SULT1E1: variants seen among roughly 807,000 people sequenced by gnomAD.
SULT1E1 encodes sulfotransferase family 1E member 1, also known as sulfotransferase 1E1.
In SULT1E1, 36 loss-of-function variants were observed where a neutral mutation model predicts 33.6. The observed-to-expected ratio is 1.07, with a 90% CI of 0.82 to 1.41. The LOEUF is 1.41. Among genes scored for constraint, SULT1E1 ranks in the 40% most tolerant of loss-of-function variants. The pLI, the probability that SULT1E1 is intolerant of heterozygous loss-of-function variation, is 0.00. For synonymous variants in SULT1E1, 121 were observed against 111.7 expected (o/e 1.08, Z -0.53); for missense variants, 371 against 345.7 (o/e 1.07, Z -0.58).
the SULT1E1 span, among the ~76,000 whole-genome samples, chr4:69,826,680 C>T: frequency 6.6e-6 from 1 of 152,100 alleles, no homozygotes; most frequent in Non-Finnish European, 1.5e-5. Context: ...TGCACTATGG[C>T]TTGGCCCCAA....
the SULT1E1 span, among the ~76,000 whole-genome samples, chr4:69,824,655 T>A: frequency 6.6e-6 from 1 of 152,128 alleles, no homozygotes; most frequent in African/African-American, 2.4e-5. Flanking sequence ...CAATCAGCAC[T>A]CTGTGTCTAG....
intron 7 of SULT1E1, among the ~76,000 whole-genome samples, chr4:69,842,767 G>A (rs1474400687): frequency 6.6e-6 from 1 of 151,966 alleles, no homozygotes; most frequent in African/African-American, 2.4e-5. Flanking sequence ...TAATAGTCCA[G>A]CAGGCTTTTC....
chr4:69,839,211 C>A (rs1720840475), downstream of SULT1E1, among the ~76,000 whole-genome samples: 1 of 152,182 alleles, frequency 6.6e-6, no homozygotes, highest in African/African-American at 2.4e-5. Flanking sequence ...CTGGGATTTA[C>A]AAAATCCAGA....
At chr4:69,826,747 T>C in the SULT1E1 span, among the ~76,000 whole-genome samples, 10 of 152,168 alleles carry the variant, frequency 6.6e-5, no homozygotes, top group East Asian at 3.8e-4. Flanking sequence ...ATTATAATAC[T>C]ATCCTGCAGC....
rs151294426 is a variant in SULT1E1, at chr4:69,847,133, T to C, written c.591+565A>G. 5.3e-5 allele frequency among the ~76,000 whole-genome samples: 8 copies of C among 151,942 alleles called. No homozygotes were observed. In the East Asian group the frequency reaches 1.3e-3, roughly 26 times the overall value. ...CATCTTTTACTTCAATAATTCACTA[T>C]GTAGCCATGTCTAATCTATTATTGA... is the stretch of plus-strand genomic sequence containing the variant. On this transcript the variant is annotated intron_variant, in intron 6 of 7. Coordinates refer to ENST00000226444, the MANE Select transcript of SULT1E1 (RefSeq NM_005420.3).
At chr4:69,840,775 G>A (rs142559901), downstream of SULT1E1, among the ~76,000 whole-genome samples, 848 of 152,300 alleles carry the variant, frequency 5.6e-3, 7 homozygotes, top group African/African-American at 0.02. Flanking sequence ...GGCCAGGCGC[G>A]GTGGCTCACG....
chr4:69,847,048 C>T (rs1720991051), intron 6 of SULT1E1, among the ~76,000 whole-genome samples: 1 of 151,656 alleles, frequency 6.6e-6, no homozygotes, highest in Non-Finnish European at 1.5e-5. Flanking sequence ...AGAACCATTA[C>T]TTTTCATCAA....
the SULT1E1 span, among the ~76,000 whole-genome samples, chr4:69,831,841 G>A: frequency 1.3e-5 from 2 of 152,022 alleles, no homozygotes; most frequent in African/African-American, 4.8e-5. Context: ...GTCCCACACC[G>A]CTCGGAGCAC....
chr4:69,830,356 A>C, the SULT1E1 span, among the ~76,000 whole-genome samples: 294 of 152,348 alleles, frequency 1.9e-3, 1 homozygote, highest in African/African-American at 6.5e-3. Flanking sequence ...ATGTTTACCT[A>C]ATATTGCCCT....
intron 5 of SULT1E1, chr4:69,849,084 A>G (rs1257128386): frequency 6.1e-6 from 1 of 165,160 alleles, no homozygotes; most frequent in Non-Finnish European, 1.3e-5. Context: ...CCATTGTTCA[A>G]TAGAGTTGTA....
the SULT1E1 span, among the ~76,000 whole-genome samples, chr4:69,831,955 C>T: frequency 6.6e-6 from 1 of 152,316 alleles, no homozygotes; most frequent in African/African-American, 2.4e-5. Flanking sequence ...TCTCCCAGTT[C>T]CCTTTTCTAA....
chr4:69,828,075 A>T, the SULT1E1 span, among the ~76,000 whole-genome samples: 75 of 152,304 alleles, frequency 4.9e-4, no homozygotes, highest in African/African-American at 1.8e-3. Context: ...AAGTGCCAGC[A>T]CATGTCACCC....
chr4:69,826,711 A>G, the SULT1E1 span, among the ~76,000 whole-genome samples: 18 of 152,258 alleles, frequency 1.2e-4, no homozygotes, highest in East Asian at 1.5e-3. Flanking sequence ...CTGATGGGGA[A>G]AAATGGCCAC....
chr4:69,844,428 T>G, intron 6 of SULT1E1, 87 bp from the exon 7 acceptor site: 1 of 994,914 alleles, frequency 1.0e-6, no homozygotes, highest in African/African-American at 1.7e-5. Flanking sequence ...AACCTTTCTC[T>G]TTTCTCCTAC....
chr4:69,829,063 G>A, the SULT1E1 span, among the ~76,000 whole-genome samples: 3 of 152,118 alleles, frequency 2.0e-5, no homozygotes, highest in South Asian at 2.1e-4. Flanking sequence ...CTGACTAATC[G>A]GTGCCAGCTG....
the SULT1E1 span, among the ~76,000 whole-genome samples, chr4:69,825,188 G>T: frequency 6.6e-6 from 1 of 152,116 alleles, no homozygotes; most frequent in Non-Finnish European, 1.5e-5. Flanking sequence ...CACTTTAGGA[G>T]CTGTAACACT....
At chr4:69,833,339 A>C in the SULT1E1 span, among the ~76,000 whole-genome samples, 1 of 152,240 alleles carries the variant, frequency 6.6e-6, no homozygotes, top group Non-Finnish European at 1.5e-5. Context: ...CATAGAAAGC[A>C]TCTCTAGTAT....
chr4:69,855,529 A>C, intron 2 of SULT1E1, 103 bp from the exon 3 acceptor site: 2 of 1,204,640 alleles, frequency 1.7e-6, no homozygotes, highest in Non-Finnish European at 2.3e-6. Flanking sequence ...CCAATGCAAT[A>C]CTATTTAAAG....
chr4:69,832,230 C>G, the SULT1E1 span, among the ~76,000 whole-genome samples: 1 of 152,172 alleles, frequency 6.6e-6, no homozygotes, highest in Non-Finnish European at 1.5e-5. Context: ...GCCGGAGAAG[C>G]AGGAGAGCCG....
Sources: gnomAD v4.1 joint callset for allele counts (sites outside exome capture counted in the v4.1 genomes callset) on GRCh38, gnomAD v4.1.1 for gene constraint, MANE v1.5 for transcripts, NCBI Gene and HGNC (gene_info 2026-07-23, HGNC 2026-07-21) for gene names.